Variants in STEAP4 observed in about 807,000 individuals in gnomAD.
The protein encoded by STEAP4 is STEAP4 metalloreductase, also known as metalloreductase STEAP4.
Under a neutral mutation model 43.6 loss-of-function variants are expected in STEAP4, and 36 were observed. That is an observed-to-expected ratio of 0.83 (90% confidence interval 0.63 to 1.09). The LOEUF (loss-of-function observed/expected upper bound fraction) is 1.09. Ranked by LOEUF, STEAP4 falls within the 50% of genes least tolerant of loss-of-function variation. The probability of loss-of-function intolerance (pLI) is 0.00; values close to 1 mark genes in which losing one functional copy is unlikely to be tolerated. For synonymous variants in STEAP4, 191 were observed against 196.7 expected, an observed-to-expected ratio of 0.97 and a Z score of 0.24; for missense variants, 495 against 546.5, an observed-to-expected ratio of 0.91 and a Z score of 0.94.
At chr7:88,292,406 A>G (rs150239701) in intron 1 of STEAP4, 1 of 152,122 alleles carries the variant, frequency 6.6e-6, no homozygotes, top group African/African-American at 2.4e-5. Flanking sequence ...AAAATAATCT[A>G]TTTTCAGTTC....
chr7:88,289,484 C>A (rs76397495), intron 1 of STEAP4, among the ~76,000 whole-genome samples: 1 of 152,118 alleles, frequency 6.6e-6, no homozygotes, highest in African/African-American at 2.4e-5. Context: ...GAGTTTGCAC[C>A]TTTTTCCTGG....
chr7:88,283,047 G>A lies in STEAP4; in HGVS notation c.578C>T (p.Pro193Leu). The A allele has an allele frequency of 1.9e-6, 3 of 1,613,682 alleles. No individual in the cohort carries two copies. The highest frequency in any genetic ancestry group is 2.5e-6 in the Non-Finnish European group (3 of 1,179,812). ...CCTCCACATTGGAAATAGCTGCAGG[G>A]GGTACTTTTCAATTTCTTTGGCTGC... ...LMAAKEIEKY[P>L]LQLFPMWRFP... The change falls in exon 3 of 5, where the codon CCC becomes CTC. Residue 193 changes from proline to leucine, a missense_variant. Transcript: ENST00000380079.
Position 88,272,008 on chromosome 7 carries a change from G to A in STEAP4, c.*7390C>T, listed in dbSNP as rs1383412462. On this transcript the variant is annotated 3_prime_UTR_variant, in exon 5 of 5. Coordinates refer to ENST00000380079, the MANE Select transcript of STEAP4 (RefSeq NM_024636.4). ...TCTTTGTATAGTTTCCAGCTGGTTG[G>A]TGTAGTAGTTGTAGTTGGCACTGCC... is the stretch of plus-strand genomic sequence containing the variant. The A allele has an allele frequency of 2.6e-5, 4 of 152,186 alleles. No homozygotes were observed. Among genetic ancestry groups the A allele is most frequent in the African/African-American group, 9.7e-5 (4 of 41,432 alleles). The allele number at this position is 152,186 out of a possible 1,614,324, so 9.4% of individuals were successfully genotyped here.
At position 88,273,502 on chromosome 7, in the gene STEAP4, GT is replaced by G. The variant is rs1200308648; in HGVS notation, c.*5895del. 2.0e-4 allele frequency: 19 copies of G among 92,962 alleles called. No homozygotes were observed. Among genetic ancestry groups the G allele is most frequent in the African/African-American group, 6.0e-4 (16 of 26,576 alleles). 5.8% of individuals were successfully genotyped at this position (92,962 alleles called of 1,614,324 possible). ...GCTATAGGTAATGGAACTAAGCCTG[GT>G]GTGTGTGTGTGTGTGTGTGTGTAAC... On this transcript the variant is annotated 3_prime_UTR_variant, in exon 5 of 5. Transcript: ENST00000380079.
chr7:88,294,185 TACC>T (rs1323373533), intron 1 of STEAP4, among the ~76,000 whole-genome samples: 1 of 152,156 alleles, frequency 6.6e-6, no homozygotes, highest in Non-Finnish European at 1.5e-5. Context: ...TCAGACATGA[TACC>T]ACCATTGGAT....
rs1268934379 is a variant in STEAP4 at position 88,283,938 on chromosome 7, T to C, written c.332A>G (p.Asn111Ser). Reference protein sequence around the residue: ...LVDISNNLKINQYPESNAEYL... With the variant: ...LVDISNNLKISQYPESNAEYL... ...CTCTGCATTAGATTCTGGATATTGA[T>C]TGATTTTGAGGTTGTTGCTGATGTC... Residue 111 changes from asparagine (N) to serine (S), a missense_variant, in exon 2 of 5, where the codon AAT becomes AGT. Transcript: ENST00000380079. 8.1e-6 allele frequency: 13 copies of C among 1,614,156 alleles called. No individual in the cohort carries two copies. The highest frequency in any genetic ancestry group is 1.1e-5 in the Non-Finnish European group (13 of 1,180,016).
rs1238007251 is a variant in STEAP4, at chr7:88,271,372, T to G, written c.*8026A>C. On this transcript the variant is annotated 3_prime_UTR_variant, in exon 5 of 5. Transcript: ENST00000380079. ...TCCTTCTGAGAGTTTCTTTAGGCAA[T>G]TAAAAGCAAATACACATATGCAAAA... 6.6e-6 allele frequency: 1 copy of G among 152,234 alleles called. No individual in the cohort carries two copies. The highest frequency in any genetic ancestry group is 1.5e-5 in the Non-Finnish European group (1 of 68,038). 9.4% of individuals were successfully genotyped at this position (152,234 alleles called of 1,614,324 possible).
Position 88,277,848 on chromosome 7 carries a change from A to T in STEAP4, c.*1550T>A, listed in dbSNP as rs1439444895. The T allele has an allele frequency of 6.6e-6, 1 of 152,156 alleles. No individual in the cohort carries two copies. The highest frequency in any genetic ancestry group is 1.5e-5 in the Non-Finnish European group (1 of 68,034). 9.4% of individuals were successfully genotyped at this position (152,156 alleles called of 1,614,324 possible). A position where few individuals can be genotyped will look rare whatever the true frequency, so the allele number is the denominator to read the frequency against. ...GCACTCCAGCCTGAGCGACAGAGCA[A>T]GACTGTCTCAAAAAAATAAAAAAGA... On this transcript the variant is annotated 3_prime_UTR_variant, in exon 5 of 5. Transcript: ENST00000380079.
intron 1 of STEAP4, chr7:88,292,774 A>G (rs1852856363): frequency 6.6e-6 from 1 of 152,190 alleles, no homozygotes; most frequent in Non-Finnish European, 1.5e-5. Flanking sequence ...TTTGAGAATG[A>G]ATAAAATCAC....
rs1852472757 is a variant in STEAP4 at position 88,273,710 on chromosome 7, G to C, written c.*5688C>G. On this transcript the variant is annotated 3_prime_UTR_variant, in exon 5 of 5. Coordinates refer to ENST00000380079, the MANE Select transcript of STEAP4 (RefSeq NM_024636.4). ...GAGAAGAGCTATCCTCTCCTTGACT[G>C]CCCCTTCGAGTCCTCAGGTCTGGGG... 1 of 152,144 alleles carries C rather than the reference G, an allele frequency of 6.6e-6. No homozygotes were observed. Among genetic ancestry groups the C allele is most frequent in the Admixed American group, 6.5e-5 (1 of 15,280 alleles). The allele number at this position is 152,144 out of a possible 1,614,324, so 9.4% of individuals were successfully genotyped here.
rs1044627133 is a variant in STEAP4 at position 88,277,376 on chromosome 7, A to G, written c.*2022T>C. 1 of 152,216 alleles carries G rather than the reference A, an allele frequency of 6.6e-6. No homozygotes were observed. Among genetic ancestry groups the G allele is most frequent in the African/African-American group, 2.4e-5 (1 of 41,462 alleles). The allele number at this position is 152,216 out of a possible 1,614,324, so 9.4% of individuals were successfully genotyped here. A position where few individuals can be genotyped will look rare whatever the true frequency, so the allele number is the denominator to read the frequency against. On this transcript the variant is annotated 3_prime_UTR_variant, in exon 5 of 5. Transcript: ENST00000380079. ...AAAAAAGACAATCTACAATGGTGCG[A>G]TGAAAGCAACACCCTCATCCAATGG...
chr7:88,296,465 G>A (rs1223804386), intron 1 of STEAP4, among the ~76,000 whole-genome samples: 1 of 152,118 alleles, frequency 6.6e-6, no homozygotes, highest in Non-Finnish European at 1.5e-5. Context: ...TTTAACAGCT[G>A]TAAATAGGAG....
chr7:88,286,101 C>A (rs1297607265), intron 1 of STEAP4, among the ~76,000 whole-genome samples: 1 of 152,108 alleles, frequency 6.6e-6, no homozygotes, highest in Non-Finnish European at 1.5e-5. Flanking sequence ...ATTATAAAAC[C>A]ATCTCCTAAA....
At chr7:88,295,998 G>C (rs1852917442) in intron 1 of STEAP4, among the ~76,000 whole-genome samples, 1 of 152,056 alleles carries the variant, frequency 6.6e-6, no homozygotes, top group African/African-American at 2.4e-5. Context: ...TTTTGAGTGT[G>C]CAGGCCTTGG....
chr7:88,289,780 G>A (rs143915341), intron 1 of STEAP4, among the ~76,000 whole-genome samples: 1 of 152,334 alleles, frequency 6.6e-6, no homozygotes, highest in African/African-American at 2.4e-5. Context: ...GGAAGTACCT[G>A]TAGATGATCA....
chr7:88,283,366 T>C, intron 2 of STEAP4, 198 bp from the exon 3 acceptor site: 1 of 566,420 alleles, frequency 1.8e-6, no homozygotes, highest in East Asian at 3.1e-5. Context: ...AGTACCAGGG[T>C]TTTTAGTTGA....
At chr7:88,298,565 A>G (rs896780625) in intron 1 of STEAP4, among the ~76,000 whole-genome samples, 4 of 151,714 alleles carry the variant, frequency 2.6e-5, no homozygotes, top group African/African-American at 9.7e-5. Context: ...GCTTATCCAA[A>G]CTAATTTTCA....
chr7:88,297,723 A>T (rs1159059881), intron 1 of STEAP4, among the ~76,000 whole-genome samples: 1 of 152,084 alleles, frequency 6.6e-6, no homozygotes, highest in Non-Finnish European at 1.5e-5. Flanking sequence ...GCAGGGGGGA[A>T]AGTGAGTGCA....
At chr7:88,285,777 A>C (rs1255987368) in intron 1 of STEAP4, among the ~76,000 whole-genome samples, 10 of 150,912 alleles carry the variant, frequency 6.6e-5, no homozygotes, top group Admixed American at 6.6e-4. Context: ...AAAAAAAAGA[A>C]AGAAAGAAAA....
Sources: gnomAD v4.1 joint callset for allele counts (sites outside exome capture counted in the v4.1 genomes callset) on GRCh38, gnomAD v4.1.1 for gene constraint, MANE v1.5 for transcripts, NCBI Gene and HGNC (gene_info 2026-07-23, HGNC 2026-07-21) for gene names.